TRMT10B: variants seen among roughly 807,000 people sequenced by gnomAD.
The protein encoded by TRMT10B is tRNA methyltransferase 10 homolog B.
In TRMT10B, 33 loss-of-function variants were observed where a neutral mutation model predicts 43.8. That is an observed-to-expected ratio of 0.75 (90% CI 0.57 to 1.01). TRMT10B has a LOEUF of 1.01. Among genes scored for constraint, TRMT10B ranks in the 50% least tolerant of loss-of-function variants. The pLI is 0.00. For synonymous variants in TRMT10B, 137 were observed against 130.6 expected, an observed-to-expected ratio of 1.05 and a Z score of -0.34; for missense variants, 362 against 369.8, an observed-to-expected ratio of 0.98 and a Z score of 0.17.
chr9:37,762,568 T>A lies in TRMT10B; in HGVS notation c.187-9T>A. ...TTCTCAAACAATTTTGTTTTCTGGA[T>A]AATATAAGAAAAATGTCCAGAGAAA... On this transcript the variant is annotated splice_polypyrimidine_tract_variant and intron_variant, in intron 2 of 8. Coordinates refer to ENST00000297994, the MANE Select transcript of TRMT10B (RefSeq NM_144964.4). 1 of 1,575,502 alleles carries A rather than the reference T, an allele frequency of 6.3e-7. No individual in the cohort carries two copies. Among genetic ancestry groups the A allele is most frequent in the Non-Finnish European group, 8.6e-7 (1 of 1,160,356 alleles).
At chr9:37,756,855 C>T (rs1243699965) in intron 1 of TRMT10B, among the ~76,000 whole-genome samples, 2 of 150,436 alleles carry the variant, frequency 1.3e-5, no homozygotes, top group Non-Finnish European at 3.0e-5. Flanking sequence ...TGTATATATA[C>T]ACACACACAT....
rs373829295 is a variant in TRMT10B, at chr9:37,762,117, G to A, written c.186G>A (p.Ser62=). The part of the protein sequence containing the change: ...ILATGSTAWC[S]KNVQRKQRHW... Reference sequence around the variant, plus strand: ...CCACAGGCAGTACGGCATGGTGCTCGGTGAGTGCGTGAATTGCCTGGCCAT... The same window carrying A: ...CCACAGGCAGTACGGCATGGTGCTCAGTGAGTGCGTGAATTGCCTGGCCAT... Residue 62 remains serine, a splice_region_variant and synonymous_variant, in exon 2 of 9, where the codon TCG becomes TCA. Coordinates refer to ENST00000297994, the MANE Select transcript of TRMT10B (RefSeq NM_144964.4). 3.4e-5 allele frequency: 54 copies of A among 1,611,786 alleles called. No individual in the cohort carries two copies. Among genetic ancestry groups the A allele is most frequent in the East Asian group, 2.0e-4 (9 of 44,826 alleles).
chr9:37,772,722 G>T (rs1371943831), intron 7 of TRMT10B, among the ~76,000 whole-genome samples: 1 of 152,176 alleles, frequency 6.6e-6, no homozygotes, highest in Non-Finnish European at 1.5e-5. Context: ...AGTGGCTCAT[G>T]TCTGTAATCC....
intron 1 of TRMT10B, among the ~76,000 whole-genome samples, chr9:37,758,325 T>G (rs940801178): frequency 6.6e-6 from 1 of 152,138 alleles, no homozygotes; most frequent in African/African-American, 2.4e-5. Flanking sequence ...GGTGGGAGAA[T>G]CACCCGAGCA....
chr9:37,770,911 T>C (rs926357076), intron 7 of TRMT10B, among the ~76,000 whole-genome samples, 172 bp downstream of exon 7: 2 of 152,252 alleles, frequency 1.3e-5, no homozygotes, highest in East Asian at 3.8e-4. Flanking sequence ...TCTCTCCTCA[T>C]GAGCAATGTC....
At chr9:37,766,717 A>G (rs1827024697) in intron 4 of TRMT10B, among the ~76,000 whole-genome samples, 1 of 152,192 alleles carries the variant, frequency 6.6e-6, no homozygotes, top group African/African-American at 2.4e-5. Context: ...TGAGCATGGA[A>G]TGTTCTTCCA....
chr9:37,764,451 A>G (rs1441517852), intron 4 of TRMT10B, among the ~76,000 whole-genome samples: 1 of 150,016 alleles, frequency 6.7e-6, no homozygotes, highest in Non-Finnish European at 1.5e-5. Flanking sequence ...CCTCCCACGT[A>G]GCTGGGACTA....
intron 1 of TRMT10B, among the ~76,000 whole-genome samples, chr9:37,755,187 C>T (rs149280314): frequency 4.0e-5 from 6 of 151,388 alleles, no homozygotes; most frequent in African/African-American, 1.2e-4. Flanking sequence ...CAGGAGAATG[C>T]GTGAACCTGG....
chr9:37,756,741 TACAC>T (rs533330841), intron 1 of TRMT10B, among the ~76,000 whole-genome samples: 40 of 149,866 alleles, frequency 2.7e-4, no homozygotes, highest in Admixed American at 1.8e-3. Context: ...TATATATATA[TACAC>T]ACACACACAT....
intron 1 of TRMT10B, among the ~76,000 whole-genome samples, chr9:37,759,721 A>G (rs1308079762): frequency 1.3e-5 from 2 of 152,072 alleles, no homozygotes; most frequent in African/African-American, 2.4e-5. Context: ...AGAGGCTGAG[A>G]TGGGAGAATT....
chr9:37,754,892 A>G (rs978151793), intron 1 of TRMT10B, among the ~76,000 whole-genome samples: 14 of 152,170 alleles, frequency 9.2e-5, no homozygotes, highest in Non-Finnish European at 2.1e-4. Flanking sequence ...TGAGAAGGGG[A>G]CAAACATTCA....
At position 37,777,674 on chromosome 9, in the gene TRMT10B, A is replaced by G; in HGVS notation, c.918A>G (p.Gly306=). Residue 306 remains glycine (G), a synonymous_variant, in exon 9 of 9, where the codon GGA becomes GGG. Transcript: ENST00000297994. Reference sequence around the variant, plus strand: ...CATTGAAGAAAGGAGTTTCTTCAGGAAAAGGCTATATTCTTCGGAACTCAG... The same window carrying G: ...CATTGAAGAAAGGAGTTTCTTCAGGGAAAGGCTATATTCTTCGGAACTCAG... ...PEALKKGVSS[G]KGYILRNSVE The G allele has an allele frequency of 6.2e-7, 1 of 1,613,560 alleles. No homozygotes were observed. The highest frequency in any genetic ancestry group is 1.3e-5 in the African/African-American group (1 of 75,018).
At chr9:37,762,488 T>C in intron 2 of TRMT10B, 89 bp from the exon 3 acceptor site, 1 of 1,485,112 alleles carries the variant, frequency 6.7e-7, no homozygotes, top group East Asian at 2.5e-5. Flanking sequence ...TATATATAAA[T>C]AAGAAAAAAG....
chr9:37,757,893 A>T (rs1408193740), intron 1 of TRMT10B, among the ~76,000 whole-genome samples: 1 of 152,196 alleles, frequency 6.6e-6, no homozygotes, highest in African/African-American at 2.4e-5. Context: ...AGTGTGTCTG[A>T]ATTCTAAGAA....
Position 37,762,114 on chromosome 9 carries a change from C to T in TRMT10B, c.183C>T (p.Cys61=), listed in dbSNP as rs1256382679. The change falls in exon 2 of 9, where the codon TGC becomes TGT. Residue 61 remains cysteine, a synonymous_variant. Coordinates refer to ENST00000297994, the MANE Select transcript of TRMT10B (RefSeq NM_144964.4). ...TGGCCACAGGCAGTACGGCATGGTG[C>T]TCGGTGAGTGCGTGAATTGCCTGGC... ...EILATGSTAW[C]SKNVQRKQRH... 6 of 1,612,068 alleles carry T rather than the reference C, an allele frequency of 3.7e-6. No homozygotes were observed. Among genetic ancestry groups the T allele is most frequent in the Non-Finnish European group, 5.1e-6 (6 of 1,178,766 alleles).
chr9:37,775,787 T>C (rs1700200953), intron 7 of TRMT10B, among the ~76,000 whole-genome samples: 1 of 152,206 alleles, frequency 6.6e-6, no homozygotes, highest in African/African-American at 2.4e-5. Flanking sequence ...TCCTCTGGCC[T>C]TGGCCTCAAA....
In TRMT10B at chr9:37,756,653, T is replaced by G. The variant is rs931191102; in HGVS notation, c.-30+2801T>G. ...CCTGGGTGGCAGAGGTTGCAATGAG[T>G]CATGAGATTGCAATGAGATCATGCC... On this transcript the variant is annotated intron_variant, in intron 1 of 8. Transcript: ENST00000297994. Among the ~76,000 whole-genome samples, 3 of 151,448 alleles carry G rather than the reference T, an allele frequency of 2.0e-5. No individual in the cohort carries two copies. The South Asian group carries it at 6.3e-4, about 32-fold the overall frequency.
intron 1 of TRMT10B, among the ~76,000 whole-genome samples, chr9:37,760,261 G>T (rs1217788867): frequency 2.0e-5 from 3 of 152,246 alleles, no homozygotes; most frequent in African/African-American, 7.2e-5. Context: ...GGCAGAGGTT[G>T]CAGTGAGCTG....
intron 7 of TRMT10B, 23 bp downstream of exon 7, chr9:37,770,762 A>G (rs1386026974): frequency 1.2e-6 from 2 of 1,612,512 alleles, no homozygotes; most frequent in Admixed American, 3.3e-5. Context: ...TTCAGCCCCA[A>G]CATCTGTTTT....
Sources: gnomAD v4.1 joint callset for allele counts (sites outside exome capture counted in the v4.1 genomes callset) on GRCh38, gnomAD v4.1.1 for gene constraint, MANE v1.5 for transcripts, NCBI Gene and HGNC (gene_info 2026-07-23, HGNC 2026-07-21) for gene names.